Variants in TENM1 observed in about 807,000 individuals in gnomAD.
TENM1 encodes the protein teneurin-1.
TENM1 carries 35 observed loss-of-function variants against 174.8 expected under a neutral mutation model. The observed-to-expected ratio is 0.20, with a 90% CI of 0.15 to 0.27. The LOEUF is 0.27. Ranked by LOEUF, TENM1 falls within the 10% of genes least tolerant of loss-of-function variation. The probability of loss-of-function intolerance (pLI) is 1.00; values close to 1 mark genes in which losing one functional copy is unlikely to be tolerated. For missense variants in TENM1, 1,633 were observed against 2,130.1 expected, an observed-to-expected ratio of 0.77 and a Z score of 4.59; for synonymous variants, 781 against 798.7, an observed-to-expected ratio of 0.98 and a Z score of 0.37.
chrX:124,719,150 A>G (rs1198455481), intron 4 of TENM1, among the ~76,000 whole-genome samples: 2 of 111,138 alleles, frequency 1.8e-5, no homozygotes, highest in Non-Finnish European at 3.8e-5. Context: ...GTCACTCTGT[A>G]AAGACTCCCA....
At chrX:124,909,287 T>C (rs2057799153) in intron 1 of TENM1, among the ~76,000 whole-genome samples, 1 of 112,432 alleles carries the variant, frequency 8.9e-6, no homozygotes, top group South Asian at 3.7e-4. Context: ...AATGACCTCA[T>C]GCAGCATATT....
intron 3 of TENM1, among the ~76,000 whole-genome samples, chrX:124,816,005 T>C (rs182606278): frequency 1.8e-5 from 2 of 111,880 alleles, no homozygotes; most frequent in African/African-American, 3.2e-5. Flanking sequence ...TAAAAGTGTG[T>C]TGATGAAAAA....
chrX:125,059,373 C>T, the TENM1 span, among the ~76,000 whole-genome samples: 1 of 111,137 alleles, frequency 9.0e-6, no homozygotes, highest in Non-Finnish European at 1.9e-5. Context: ...GGATCCATAC[C>T]GATAGTAAAA....
chrX:124,608,955 C>G (rs1386247500), intron 11 of TENM1, among the ~76,000 whole-genome samples: 1 of 110,803 alleles, frequency 9.0e-6, no homozygotes, highest in Non-Finnish European at 1.9e-5. Context: ...AAAATCTAAT[C>G]AATACAATCT....
chrX:124,406,183 C>T (rs763404864), intron 26 of TENM1, 134 bp downstream of exon 29: 44 of 517,326 alleles, frequency 8.5e-5, no homozygotes, highest in Admixed American at 2.8e-4. Flanking sequence ...GTTTCAACTT[C>T]CATAGCTGGA....
intron 22 of TENM1, among the ~76,000 whole-genome samples, chrX:124,454,383 CTATATCTA>C (rs1158842783): frequency 9.3e-6 from 1 of 107,102 alleles, no homozygotes; most frequent in Non-Finnish European, 1.9e-5. Context: ...GCTGGTTACT[CTATATCTA>C]GGTATATCTA....
At position 124,462,445 on chromosome X, in the gene TENM1, G is replaced by A. The variant is rs1279209974; in HGVS notation, c.3950-8954C>T. The stretch of plus-strand genomic sequence containing the variant: ...GTGTGTGTGTGTGGGGGGGGTGGGG[G>A]TGGGGGGGAGGGTGTGTGTGTTTAA... On this transcript the variant is annotated intron_variant, in intron 22 of 31. Coordinates refer to ENST00000422452, the Ensembl canonical transcript of TENM1. Among the ~76,000 whole-genome samples the A allele has an allele frequency of 2.1e-5, 2 of 95,089 alleles. 1 individual carries two copies. The highest frequency in any genetic ancestry group is 8.2e-5 in the African/African-American group (2 of 24,367). The allele number at this position is 95,089 out of a possible 115,157, so 82.6% of individuals were successfully genotyped here.
chrX:124,657,834 A>G (rs191381532), intron 6 of TENM1, among the ~76,000 whole-genome samples: 1 of 112,223 alleles, frequency 8.9e-6, no homozygotes, highest in Admixed American at 9.4e-5. Flanking sequence ...CAAGTTTCAC[A>G]AAGTATCTAA....
At chrX:124,709,765 C>G (rs1018211780) in intron 4 of TENM1, among the ~76,000 whole-genome samples, 1 of 110,678 alleles carries the variant, frequency 9.0e-6, no homozygotes, top group Non-Finnish European at 1.9e-5. Flanking sequence ...CTGGGCCCAA[C>G]AAATACTATC....
At chrX:124,422,728 T>C (rs2147751748) in intron 23 of TENM1, 90 bp from the exon 27 acceptor site, 1 of 933,617 alleles carries the variant, frequency 1.1e-6, no homozygotes, top group African/African-American at 1.9e-5. Flanking sequence ...AATTGGTGTA[T>C]TGTTTCCCCC....
chrX:124,442,089 T>G (rs951150870), intron 23 of TENM1, among the ~76,000 whole-genome samples: 9 of 112,119 alleles, frequency 8.0e-5, no homozygotes, highest in African/African-American at 2.9e-4. Flanking sequence ...GCTTTCATCG[T>G]CCCTGTCTTG....
Position 124,744,778 on chromosome X carries a change from T to C in TENM1, c.536-7581A>G, listed in dbSNP as rs140958962. 2.2e-3 allele frequency among the ~76,000 whole-genome samples: 249 copies of C among 112,036 alleles called. 1 individual carries two copies. Among genetic ancestry groups the C allele is most frequent in the African/African-American group, 7.8e-3 (241 of 30,901 alleles). ...ACAGTGTATCATTTAATGAATTAGC[T>C]AATAAGAGATATCCTGAACATTTAT... On this transcript the variant is annotated intron_variant, in intron 3 of 31. Coordinates refer to ENST00000422452, the Ensembl canonical transcript of TENM1.
the TENM1 span, among the ~76,000 whole-genome samples, chrX:125,109,041 C>T: frequency 9.0e-6 from 1 of 111,020 alleles, no homozygotes. Context: ...CAAATGTCCT[C>T]CCTTTCTTTC....
chrX:124,710,108 T>C (rs748903696), intron 4 of TENM1, among the ~76,000 whole-genome samples: 19 of 111,760 alleles, frequency 1.7e-4, no homozygotes, highest in South Asian at 1.5e-3. Flanking sequence ...GATGAATTTC[T>C]TTTTTAATGT....
chrX:125,197,863 A>G, the TENM1 span, among the ~76,000 whole-genome samples: 3 of 112,015 alleles, frequency 2.7e-5, no homozygotes, highest in African/African-American at 9.7e-5. Context: ...TTATCTTTCC[A>G]TTCTTTGTTT....
intron 22 of TENM1, among the ~76,000 whole-genome samples, chrX:124,456,246 C>A (rs573136836): frequency 1.8e-5 from 2 of 112,060 alleles, no homozygotes; most frequent in Middle Eastern, 9.2e-3. Context: ...GGTCCAAATT[C>A]CAAACATACT....
At chrX:124,591,716 C>T (rs1417205581) in intron 11 of TENM1, among the ~76,000 whole-genome samples, 1 of 111,461 alleles carries the variant, frequency 9.0e-6, no homozygotes, top group Non-Finnish European at 1.9e-5. Flanking sequence ...GATGTTCATT[C>T]TGTATAGTAT....
intron 27 of TENM1, among the ~76,000 whole-genome samples, chrX:124,393,990 A>G (rs2060309103): frequency 8.9e-6 from 1 of 112,606 alleles, no homozygotes; most frequent in South Asian, 3.6e-4. Flanking sequence ...GTAAGCTGTG[A>G]AACAACACTA....
chrX:124,616,213 C>T (rs900011633), intron 11 of TENM1, among the ~76,000 whole-genome samples: 4 of 112,728 alleles, frequency 3.5e-5, no homozygotes, highest in Non-Finnish European at 5.6e-5. Context: ...AGCCCCAAAT[C>T]GACCACAAAA....
Sources: gnomAD v4.1 joint callset for allele counts (sites outside exome capture counted in the v4.1 genomes callset) on GRCh38, gnomAD v4.1.1 for gene constraint, MANE v1.5 for transcripts, NCBI Gene and HGNC (gene_info 2026-07-23, HGNC 2026-07-21) for gene names.